Variants in MSH4 observed in about 807,000 individuals in gnomAD.
The protein encoded by MSH4 is mutS protein homolog 4.
A neutral mutation model predicts 113.7 loss-of-function variants in MSH4; 106 were observed. The observed-to-expected ratio is 0.93, with a 90% CI of 0.80 to 1.10. The LOEUF (loss-of-function observed/expected upper bound fraction) is 1.10. MSH4 is among the 50% of genes least tolerant of loss of function. MSH4 has a pLI of 0.00. For missense variants in MSH4, 1,061 were observed against 1,093.7 expected, an observed-to-expected ratio of 0.97 and a Z score of 0.42; for synonymous variants, 368 against 380.2, an observed-to-expected ratio of 0.97 and a Z score of 0.37.
At chr1:75,886,838 ATT>A (rs1491171416) in intron 15 of MSH4, among the ~76,000 whole-genome samples, 6 of 10,820 alleles carry the variant, frequency 5.5e-4, no homozygotes, top group Admixed American at 3.4e-3. Flanking sequence ...ATATATATAT[ATT>A]ATATATATAT....
At chr1:75,825,038 T>A (rs900626248) in intron 7 of MSH4, among the ~76,000 whole-genome samples, 1 of 151,996 alleles carries the variant, frequency 6.6e-6, no homozygotes, top group African/African-American at 2.4e-5. Context: ...ACATTGAATC[T>A]ATAAATTACT....
Position 75,855,842 on chromosome 1 carries a change from A to G in MSH4, c.1230+7566A>G, listed in dbSNP as rs973161469. 3.3e-5 allele frequency among the ~76,000 whole-genome samples: 5 copies of G among 152,330 alleles called. No homozygotes were observed. In the East Asian group the frequency reaches 7.7e-4, roughly 23 times the overall value. On this transcript the variant is annotated intron_variant, in intron 8 of 19. Coordinates refer to ENST00000263187, the MANE Select transcript of MSH4 (RefSeq NM_002440.4). ...TCAACAGAATTTTTTTGGAGGGAACACAATTCAACCTTTAACAGTGTATAA... is the reference window on the plus strand; with the variant it reads ...TCAACAGAATTTTTTTGGAGGGAACGCAATTCAACCTTTAACAGTGTATAA...
intron 6 of MSH4, among the ~76,000 whole-genome samples, 165 bp from the exon 7 acceptor site, chr1:75,822,244 G>A (rs12740253): frequency 0.073 from 10,785 of 148,008 alleles, 514 homozygotes; most frequent in African/African-American, 0.13. Flanking sequence ...AGCCGAGATC[G>A]CGCCACTGTA....
chr1:75,862,659 C>T (rs913635753), intron 8 of MSH4, among the ~76,000 whole-genome samples: 2 of 152,088 alleles, frequency 1.3e-5, no homozygotes, highest in African/African-American at 4.8e-5. Context: ...TTTTAACCAT[C>T]TGAAAATTTG....
In MSH4 at chr1:75,838,489, A is replaced by G. The variant is rs1468193426; in HGVS notation, c.1163-9720A>G. 2.0e-5 allele frequency among the ~76,000 whole-genome samples: 3 copies of G among 152,304 alleles called. No homozygotes were observed. In the East Asian group the frequency reaches 5.8e-4, roughly 29 times the overall value. ...ATATTCACAAATTCCAGAAATTAGG[A>G]AGCAGATCTCTTTGGGGGTCTGGGG... On this transcript the variant is annotated intron_variant, in intron 7 of 19. Coordinates refer to ENST00000263187, the MANE Select transcript of MSH4 (RefSeq NM_002440.4).
chr1:75,890,769 C>A lies in MSH4; in HGVS notation c.2300C>A (p.Thr767Lys). 1 of 1,610,210 alleles carries A rather than the reference C, an allele frequency of 6.2e-7. No homozygotes were observed. Among genetic ancestry groups the A allele is most frequent in the Non-Finnish European group, 8.5e-7 (1 of 1,178,012 alleles). Residue 767 changes from threonine to lysine, a missense_variant, in exon 17 of 20, where the codon ACG becomes AAG. Thr to Lys is a moderately conservative substitution (Grantham distance 78, BLOSUM62 -1). Coordinates refer to ENST00000263187, the MANE Select transcript of MSH4 (RefSeq NM_002440.4). ...LIDELGRGTNTEEGIGICYAV... is the reference protein window; with the variant it reads ...LIDELGRGTNKEEGIGICYAV... ...GATGAACTTGGCAGAGGTACTAATA[C>A]GGAAGAAGGTATTGGCATTTGTTAT...
At chr1:75,839,596 G>A (rs1169280899) in intron 7 of MSH4, among the ~76,000 whole-genome samples, 1 of 152,092 alleles carries the variant, frequency 6.6e-6, no homozygotes, top group Non-Finnish European at 1.5e-5. Context: ...AATTTTTACA[G>A]TTTATTAAAA....
At chr1:75,891,152 T>TA (rs1401310299) in intron 17 of MSH4, among the ~76,000 whole-genome samples, 1 of 152,158 alleles carries the variant, frequency 6.6e-6, no homozygotes, top group Non-Finnish European at 1.5e-5. Context: ...ACTATGATGT[T>TA]ACAACAGGAA....
intron 9 of MSH4, among the ~76,000 whole-genome samples, chr1:75,868,637 A>T (rs984223199): frequency 6.6e-6 from 1 of 152,216 alleles, no homozygotes; most frequent in African/African-American, 2.4e-5. Flanking sequence ...CCCACATTTC[A>T]AGGGCGGGGA....
chr1:75,891,414 T>C (rs971084855), intron 17 of MSH4, among the ~76,000 whole-genome samples: 1 of 152,130 alleles, frequency 6.6e-6, no homozygotes, highest in African/African-American at 2.4e-5. Context: ...TGAAGTTATT[T>C]ACCTTAAATG....
chr1:75,878,343 T>G (rs774888723), intron 11 of MSH4, 25 bp downstream of exon 11: 369 of 1,549,872 alleles, frequency 2.4e-4, no homozygotes, highest in Non-Finnish European at 3.1e-4. Context: ...TGATAATGTT[T>G]TTTGTAGGGA....
At position 75,883,746 on chromosome 1, in the gene MSH4, A is replaced by G. The variant is rs754677728; in HGVS notation, c.2032A>G (p.Ile678Val). 1 of 1,613,312 alleles carries G rather than the reference A, an allele frequency of 6.2e-7. No individual in the cohort carries two copies. The highest frequency in any genetic ancestry group is 2.2e-5 in the East Asian group (1 of 44,776). The change falls in exon 15 of 20, where the codon ATA becomes GTA. Residue 678 changes from isoleucine to valine, a missense_variant. Ile to Val is a conservative substitution (Grantham distance 29, BLOSUM62 3). Coordinates refer to ENST00000263187, the MANE Select transcript of MSH4 (RefSeq NM_002440.4). ...TACAGAAGGGAGTAATTTTTTGATC[A>G]TAACTGGACCAAACATGAGTGGAAA... Reference protein sequence around the residue: ...YVTEGSNFLIITGPNMSGKST... With the variant: ...YVTEGSNFLIVTGPNMSGKST...
chr1:75,877,089 G>C, intron 10 of MSH4, 89 bp downstream of exon 10: 1 of 782,712 alleles, frequency 1.3e-6, no homozygotes, highest in Admixed American at 3.1e-5. Flanking sequence ...TGTATTCTAT[G>C]GAACAATTAC....
intron 7 of MSH4, among the ~76,000 whole-genome samples, chr1:75,827,995 G>A (rs558331710): frequency 2.1e-4 from 32 of 152,212 alleles, no homozygotes; most frequent in African/African-American, 7.2e-4. Flanking sequence ...CCTGGGCAAA[G>A]TACATCAACA....
chr1:75,843,544 G>A (rs1651012222), intron 7 of MSH4, among the ~76,000 whole-genome samples: 2 of 152,130 alleles, frequency 1.3e-5, no homozygotes, highest in South Asian at 4.1e-4. Context: ...AGATTGAAAA[G>A]CAAATCACAA....
chr1:75,863,642 T>C (rs1164731691), intron 8 of MSH4, among the ~76,000 whole-genome samples: 2 of 152,172 alleles, frequency 1.3e-5, no homozygotes, highest in African/African-American at 4.8e-5. Context: ...AATTTGTGTA[T>C]CTAATTATGC....
chr1:75,872,254 A>G (rs1651729996), intron 9 of MSH4, among the ~76,000 whole-genome samples: 1 of 152,226 alleles, frequency 6.6e-6, no homozygotes, highest in South Asian at 2.1e-4. Context: ...AGTTTCCATG[A>G]TGCTCCACAT....
chr1:75,860,992 C>G (rs1488513152), intron 8 of MSH4, among the ~76,000 whole-genome samples: 2 of 152,116 alleles, frequency 1.3e-5, no homozygotes, highest in Non-Finnish European at 2.9e-5. Context: ...ATCTTGTCTT[C>G]TCTCTTTATT....
chr1:75,804,256 T>G (rs1181388719), intron 2 of MSH4, among the ~76,000 whole-genome samples: 1 of 152,082 alleles, frequency 6.6e-6, no homozygotes, highest in Non-Finnish European at 1.5e-5. Flanking sequence ...AATTTTAATT[T>G]TTATCTAAAT....
Sources: allele counts gnomAD v4.1 joint callset (sites outside exome capture counted in the v4.1 genomes callset), GRCh38; gene constraint gnomAD v4.1.1; transcripts MANE v1.5; gene names NCBI Gene and HGNC (gene_info 2026-07-23, HGNC 2026-07-21).